ADAMTS18: variants seen among roughly 807,000 people sequenced by gnomAD.
ADAMTS18 encodes A disintegrin and metalloproteinase with thrombospondin motifs 18.
ADAMTS18 carries 157 observed loss-of-function variants against 165.9 expected under a neutral mutation model. The observed-to-expected ratio is 0.95, with a 90% CI of 0.83 to 1.08. The LOEUF (loss-of-function observed/expected upper bound fraction) is 1.08. Among genes scored for constraint, ADAMTS18 ranks in the 50% least tolerant of loss-of-function variants. The probability of loss-of-function intolerance (pLI) is 0.00; values close to 1 mark genes in which losing one functional copy is unlikely to be tolerated. For synonymous variants in ADAMTS18, 782 were observed against 578.2 expected (o/e 1.35, Z -5.06); for missense variants, 2,040 against 1,534.0 (o/e 1.33, Z -5.51).
intron 3 of ADAMTS18, among the ~76,000 whole-genome samples, chr16:77,381,812 A>C (rs946393978): frequency 6.6e-6 from 1 of 152,170 alleles, no homozygotes; most frequent in African/African-American, 2.4e-5. Context: ...AAAAAAATAA[A>C]TAATAAATAA....
chr16:77,407,214 G>T (rs2057404175), intron 3 of ADAMTS18, among the ~76,000 whole-genome samples: 1 of 151,962 alleles, frequency 6.6e-6, no homozygotes, highest in South Asian at 2.1e-4. Flanking sequence ...CAGAAAATTA[G>T]AAAATAAATA....
intron 16 of ADAMTS18, 133 bp from the exon 17 acceptor site, chr16:77,300,537 A>C (rs966559886): frequency 9.6e-7 from 1 of 1,041,696 alleles, no homozygotes; most frequent in African/African-American, 1.6e-5. Flanking sequence ...ATTGTTCCCA[A>C]GTATGTTTTA....
chr16:77,404,547 C>A (rs955587972), intron 3 of ADAMTS18, among the ~76,000 whole-genome samples: 1 of 152,136 alleles, frequency 6.6e-6, no homozygotes, highest in Non-Finnish European at 1.5e-5. Flanking sequence ...AGAATCAACA[C>A]TGGAAATAAG....
intron 3 of ADAMTS18, among the ~76,000 whole-genome samples, chr16:77,422,364 A>G (rs1235290877): frequency 6.6e-6 from 1 of 151,810 alleles, no homozygotes; most frequent in Non-Finnish European, 1.5e-5. Flanking sequence ...TCTTCATCTC[A>G]GGTGGCCACA....
At chr16:77,310,077 G>C (rs1210568562) in intron 16 of ADAMTS18, among the ~76,000 whole-genome samples, 1 of 152,188 alleles carries the variant, frequency 6.6e-6, no homozygotes, top group Non-Finnish European at 1.5e-5. Flanking sequence ...ATCTTCAGAG[G>C]ATTTCAGTGC....
intron 3 of ADAMTS18, among the ~76,000 whole-genome samples, chr16:77,406,659 C>G (rs542342248): frequency 1.3e-5 from 2 of 152,052 alleles, no homozygotes; most frequent in Non-Finnish European, 2.9e-5. Context: ...CACACGCACT[C>G]ATATGTTCAT....
chr16:77,383,370 A>G (rs151137877), intron 3 of ADAMTS18, among the ~76,000 whole-genome samples: 123 of 151,964 alleles, frequency 8.1e-4, no homozygotes, highest in African/African-American at 2.6e-3. Context: ...AGCATCTTCT[A>G]CCTCTTATTT....
intron 7 of ADAMTS18, among the ~76,000 whole-genome samples, chr16:77,360,873 G>C (rs1159717090): frequency 6.6e-6 from 1 of 152,082 alleles, no homozygotes; most frequent in African/African-American, 2.4e-5. Context: ...GATCATTTGA[G>C]GTCAGGAGTT....
intron 16 of ADAMTS18, among the ~76,000 whole-genome samples, chr16:77,311,061 C>T (rs1470821874): frequency 6.6e-6 from 1 of 151,866 alleles, no homozygotes; most frequent in Non-Finnish European, 1.5e-5. Flanking sequence ...TGAAATTTAG[C>T]TAAGATATGG....
rs187630102 is a variant in ADAMTS18 at position 77,372,293 on chromosome 16, T to G, written c.496-4570A>C. On this transcript the variant is annotated intron_variant, in intron 3 of 22. Coordinates refer to ENST00000282849, the MANE Select transcript of ADAMTS18 (RefSeq NM_199355.4). ...ATTTATTCAAAGGAAATGAACTCAG[T>G]ATGTTGAAGAGATATCTGCACTCCA... Among the ~76,000 whole-genome samples, 633 of 152,326 alleles carry G rather than the reference T, an allele frequency of 4.2e-3. 2 individuals are homozygous for G. The highest frequency in any genetic ancestry group is 6.3e-3 in the Non-Finnish European group (428 of 68,030).
chr16:77,423,728 T>C (rs2057634137), intron 3 of ADAMTS18, among the ~76,000 whole-genome samples: 1 of 152,152 alleles, frequency 6.6e-6, no homozygotes, highest in Admixed American at 6.5e-5. Context: ...CCTCTTTGAT[T>C]CTTTTTCTCT....
intron 10 of ADAMTS18, among the ~76,000 whole-genome samples, chr16:77,350,293 G>T (rs1421251912): frequency 6.6e-6 from 1 of 152,154 alleles, no homozygotes; most frequent in African/African-American, 2.4e-5. Flanking sequence ...TCGTGGTTGG[G>T]AAAGGAGGGG....
At chr16:77,371,870 C>A (rs532621832) in intron 3 of ADAMTS18, among the ~76,000 whole-genome samples, 39 of 152,120 alleles carry the variant, frequency 2.6e-4, no homozygotes, top group Admixed American at 2.2e-3. Context: ...AAACTATGTA[C>A]CCGATAAGAG....
chr16:77,372,077 T>C (rs1006972184), intron 3 of ADAMTS18, among the ~76,000 whole-genome samples: 1 of 152,098 alleles, frequency 6.6e-6, no homozygotes, highest in African/African-American at 2.4e-5. Context: ...TATGAGATAT[T>C]ACCTCACCCC....
At position 77,335,760 on chromosome 16, in the gene ADAMTS18, G is replaced by A; in HGVS notation, c.1855C>T (p.Pro619Ser). ...AACTTTCTGCTGGAGGCTTACTTGG[G>A]GTTATTGCAGTGTCTCTCCTGGAAC... ...VKFQERHCNN[P>S]KPQYGGLFCP... Residue 619 changes from proline to serine, a missense_variant, in exon 12 of 23, where the codon CCC (proline) becomes TCC (serine). Physicochemically the swap from Pro to Ser is moderately conservative, Grantham distance 74. Transcript: ENST00000282849. 1 of 1,614,176 alleles carries A rather than the reference G, an allele frequency of 6.2e-7. No individual in the cohort carries two copies. Among genetic ancestry groups the A allele is most frequent in the Non-Finnish European group, 8.5e-7 (1 of 1,180,024 alleles).
chr16:77,349,721 G>A (rs1042716450), intron 10 of ADAMTS18, among the ~76,000 whole-genome samples: 1 of 152,070 alleles, frequency 6.6e-6, no homozygotes, highest in Non-Finnish European at 1.5e-5. Context: ...CTTAACTTTG[G>A]CAGATACATA....
intron 3 of ADAMTS18, among the ~76,000 whole-genome samples, chr16:77,412,667 T>C (rs981213583): frequency 1.3e-5 from 2 of 152,276 alleles, no homozygotes; most frequent in South Asian, 4.1e-4. Flanking sequence ...ACGTCTTACA[T>C]GGCAGCAGGC....
At chr16:77,301,521 C>T (rs1300518258) in intron 16 of ADAMTS18, among the ~76,000 whole-genome samples, 2 of 152,192 alleles carry the variant, frequency 1.3e-5, no homozygotes, top group Non-Finnish European at 2.9e-5. Flanking sequence ...CTCCATGAAT[C>T]TTGTGGAAAA....
At position 77,320,058 on chromosome 16, in the gene ADAMTS18, G is replaced by A. The variant is rs369059253; in HGVS notation, c.2323C>T (p.Arg775Ter). ...YPVVLIPAGA[R>*]SIEIQELQVS... ...TGCAGCTCCTGGATTTCGATGCTTCGGGCGCCAGCTGGAATGAGGACCACC... is the reference window on the plus strand; with the variant it reads ...TGCAGCTCCTGGATTTCGATGCTTCAGGCGCCAGCTGGAATGAGGACCACC... The change falls in exon 16 of 23, where the codon CGA becomes TGA. Residue 775 changes from arginine (R) to a stop codon, truncating the protein, a stop_gained. Transcript: ENST00000282849. LOFTEE classifies it high-confidence loss of function. 4.3e-6 allele frequency: 7 copies of A among 1,613,916 alleles called. No homozygotes were observed. Among genetic ancestry groups the A allele is most frequent in the African/African-American group, 2.7e-5 (2 of 74,874 alleles).
Sources: allele counts gnomAD v4.1 joint callset (sites outside exome capture counted in the v4.1 genomes callset), GRCh38; gene constraint gnomAD v4.1.1; transcripts MANE v1.5; gene names NCBI Gene and HGNC (gene_info 2026-07-23, HGNC 2026-07-21).